Variants in DENND1B observed in about 807,000 individuals in gnomAD.
The protein encoded by DENND1B is DENN domain containing 1B, also known as DENN domain-containing protein 1B.
Under a neutral mutation model 90.1 loss-of-function variants are expected in DENND1B, and 59 were observed. That is an observed-to-expected ratio of 0.65 (90% CI 0.53 to 0.81). DENND1B has a LOEUF of 0.81. DENND1B is among the 40% of genes least tolerant of loss of function. The probability of loss-of-function intolerance (pLI) is 0.00; values close to 1 mark genes in which losing one functional copy is unlikely to be tolerated. For missense variants in DENND1B, 862 were observed against 912.6 expected (o/e 0.94, Z 0.71); for synonymous variants, 337 against 324.6 (o/e 1.04, Z -0.41).
At chr1:197,645,269 C>T (rs1024974774) in intron 9 of DENND1B, among the ~76,000 whole-genome samples, 3 of 152,034 alleles carry the variant, frequency 2.0e-5, no homozygotes, top group Non-Finnish European at 2.9e-5. Flanking sequence ...ATATAAAATA[C>T]TATGTCAATT....
chr1:197,645,286 AAAT>A (rs1408358521), intron 9 of DENND1B, among the ~76,000 whole-genome samples: 1 of 152,058 alleles, frequency 6.6e-6, no homozygotes, highest in African/African-American at 2.4e-5. Flanking sequence ...AATTTCACTA[AAAT>A]AATGATTTGT....
intron 20 of DENND1B, among the ~76,000 whole-genome samples, chr1:197,539,732 A>G (rs1670188412): frequency 6.6e-6 from 1 of 152,142 alleles, no homozygotes; most frequent in Non-Finnish European, 1.5e-5. Flanking sequence ...TCACTGGACT[A>G]TGAGATCTAT....
At chr1:197,647,187 A>T in intron 7 of DENND1B, 73 bp from the exon 8 acceptor site, 7 of 1,057,342 alleles carry the variant, frequency 6.6e-6, no homozygotes, top group Non-Finnish European at 8.9e-6. Context: ...TTTGCTGTGT[A>T]ATTGAGACAA....
rs1356742280 is a variant in DENND1B at position 197,507,646 on chromosome 1, G to A, written c.*2814C>T. ...ACAATTCTGTTGTATAACAGGTGTT[G>A]CTTCTTTGAAAAATAATTTCAAAAA... On this transcript the variant is annotated 3_prime_UTR_variant, in exon 23 of 23. Transcript: ENST00000620048. The A allele has an allele frequency of 1.3e-5, 2 of 151,492 alleles. No homozygotes were observed. The highest frequency in any genetic ancestry group is 1.3e-4 in the Admixed American group (2 of 15,166). The allele number at this position is 151,492 out of a possible 1,614,324, so 9.4% of individuals were successfully genotyped here.
intron 10 of DENND1B, among the ~76,000 whole-genome samples, chr1:197,631,141 T>G (rs1679287472): frequency 6.6e-6 from 1 of 152,162 alleles, no homozygotes; most frequent in African/African-American, 2.4e-5. Flanking sequence ...AGTGTAACAC[T>G]ACAACACTCC....
chr1:197,692,136 A>T (rs897796204), intron 3 of DENND1B, among the ~76,000 whole-genome samples: 2 of 151,798 alleles, frequency 1.3e-5, no homozygotes, highest in African/African-American at 2.4e-5. Flanking sequence ...ACAATAAAAA[A>T]AAAAAAATCT....
At chr1:197,661,415 T>C (rs1654392701) in intron 5 of DENND1B, among the ~76,000 whole-genome samples, 1 of 152,062 alleles carries the variant, frequency 6.6e-6, no homozygotes, top group Admixed American at 6.6e-5. Flanking sequence ...ATTTCAACTT[T>C]TAATAGCCTG....
chr1:197,665,586 T>C (rs536233630), intron 5 of DENND1B, among the ~76,000 whole-genome samples: 4 of 152,210 alleles, frequency 2.6e-5, no homozygotes, highest in Admixed American at 6.5e-5. Flanking sequence ...AGTCAAGAAA[T>C]CCAAACAAAA....
chr1:197,702,350 G>T (rs1355166665), intron 3 of DENND1B, among the ~76,000 whole-genome samples: 1 of 151,918 alleles, frequency 6.6e-6, no homozygotes, highest in African/African-American at 2.4e-5. Context: ...ATTCTACTTG[G>T]GTATGTTTTT....
intron 14 of DENND1B, among the ~76,000 whole-genome samples, chr1:197,589,446 A>C (rs981159927): frequency 6.6e-6 from 1 of 152,162 alleles, no homozygotes; most frequent in African/African-American, 2.4e-5. Context: ...ATCTGTGCTC[A>C]AGCAAGAGAA....
intron 3 of DENND1B, among the ~76,000 whole-genome samples, chr1:197,713,808 A>C (rs1302968503): frequency 3.6e-5 from 2 of 55,398 alleles, no homozygotes; most frequent in African/African-American, 7.6e-5. Context: ...ATATTATAAT[A>C]TATTATATAT....
rs995886561 is a variant in DENND1B, at chr1:197,505,399, G to C, written c.*5061C>G. ...CTCACATTTGAGAAATGAAATAACA[G>C]AGATGAATAGACTTATAGGTTCATC... On this transcript the variant is annotated 3_prime_UTR_variant, in exon 23 of 23. Coordinates refer to ENST00000620048, the MANE Select transcript of DENND1B (RefSeq NM_001195215.2). 6.6e-6 allele frequency: 1 copy of C among 151,484 alleles called. No individual in the cohort carries two copies. The highest frequency in any genetic ancestry group is 2.4e-5 in the African/African-American group (1 of 41,330). The allele number at this position is 151,484 out of a possible 1,614,324, so 9.4% of individuals were successfully genotyped here.
intron 10 of DENND1B, among the ~76,000 whole-genome samples, chr1:197,640,606 G>GGGTTGCTCCT (rs1326380985): frequency 1.2e-4 from 18 of 151,994 alleles, no homozygotes; most frequent in African/African-American, 2.4e-4. Flanking sequence ...AACCCTATGA[G>GGGTTGCTCCT]ATTAAGGCTA....
intron 2 of DENND1B, among the ~76,000 whole-genome samples, chr1:197,725,118 C>T (rs1661506522): frequency 6.6e-6 from 1 of 152,038 alleles, no homozygotes; most frequent in African/African-American, 2.4e-5. Context: ...TTGGAAATGA[C>T]AACAAACCTA....
chr1:197,515,133 G>A (rs1486780801), intron 20 of DENND1B, among the ~76,000 whole-genome samples: 1 of 151,532 alleles, frequency 6.6e-6, no homozygotes, highest in African/African-American at 2.4e-5. Context: ...GAACCTATAG[G>A]ACTGATCCCT....
rs201360721 is a variant in DENND1B, at chr1:197,549,558, G to GA, written c.1241-2786dup. On this transcript the variant is annotated intron_variant, in intron 16 of 22. Transcript: ENST00000620048. Reference sequence around the variant, plus strand: ...TGTAAAAACTAGTTTTATTTTAAATGAAAAAAAAGTATTTAAAGAAAGAAT... The same window carrying GA: ...TGTAAAAACTAGTTTTATTTTAAATGAAAAAAAAAGTATTTAAAGAAAGAAT... 5.9e-3 allele frequency among the ~76,000 whole-genome samples: 900 copies of GA among 151,528 alleles called. 13 individuals carry two copies. Among genetic ancestry groups the GA allele is most frequent in the African/African-American group, 0.02 (836 of 41,360 alleles).
intron 15 of DENND1B, among the ~76,000 whole-genome samples, chr1:197,569,439 A>G (rs1202776215): frequency 1.3e-5 from 2 of 152,146 alleles, no homozygotes; most frequent in African/African-American, 4.8e-5. Context: ...TCCAAAGGAA[A>G]TGAAATCAGT....
At chr1:197,638,078 A>T (rs1168187771) in intron 10 of DENND1B, among the ~76,000 whole-genome samples, 1 of 152,228 alleles carries the variant, frequency 6.6e-6, no homozygotes. Flanking sequence ...TCTATATTTA[A>T]TAGCTGATTT....
chr1:197,715,225 C>G (rs1660535315), intron 2 of DENND1B, 151 bp from the exon 3 acceptor site: 1 of 492,804 alleles, frequency 2.0e-6, no homozygotes, highest in East Asian at 3.4e-5. Context: ...ACATTCACTT[C>G]TCTTCCTTTC....
Sources: allele counts gnomAD v4.1 joint callset (sites outside exome capture counted in the v4.1 genomes callset), GRCh38; gene constraint gnomAD v4.1.1; transcripts MANE v1.5; gene names NCBI Gene and HGNC (gene_info 2026-07-23, HGNC 2026-07-21).